Variants in ADAMTS20 observed in about 807,000 individuals in gnomAD.
ADAMTS20 encodes the protein A disintegrin and metalloproteinase with thrombospondin motifs 20.
ADAMTS20 carries 225 observed loss-of-function variants against 260.1 expected under a neutral mutation model. That is an observed-to-expected ratio of 0.87 (90% CI 0.78 to 0.97). The LOEUF is 0.97. Among genes scored for constraint, ADAMTS20 ranks in the 50% least tolerant of loss-of-function variants. ADAMTS20 has a pLI of 0.00. For synonymous variants in ADAMTS20, 802 were observed against 769.5 expected (o/e 1.04, Z -0.70); for missense variants, 2,400 against 2,337.7 (o/e 1.03, Z -0.55).
At chr12:43,510,122 T>C (rs1028584793) in intron 3 of ADAMTS20, among the ~76,000 whole-genome samples, 2 of 152,094 alleles carry the variant, frequency 1.3e-5, no homozygotes, top group African/African-American at 4.8e-5. Context: ...AATTTTGATA[T>C]GGAAGGATGT....
At chr12:43,531,947 T>A in intron 3 of ADAMTS20, 89 bp downstream of exon 3, 1 of 851,048 alleles carries the variant, frequency 1.2e-6, no homozygotes, top group East Asian at 3.5e-5. Flanking sequence ...AAATAAAATA[T>A]TGAAGGGAAA....
intron 7 of ADAMTS20, among the ~76,000 whole-genome samples, chr12:43,483,619 G>C (rs1259531410): frequency 6.6e-6 from 1 of 152,150 alleles, no homozygotes; most frequent in African/African-American, 2.4e-5. Flanking sequence ...GAAATGAGGT[G>C]TTTGTCTGAT....
chr12:43,523,225 T>C (rs2137485824), intron 3 of ADAMTS20, among the ~76,000 whole-genome samples: 1 of 152,248 alleles, frequency 6.6e-6, no homozygotes, highest in Middle Eastern at 3.4e-3. Flanking sequence ...TATCCAGAGC[T>C]GGAACTGATT....
intron 7 of ADAMTS20, among the ~76,000 whole-genome samples, chr12:43,481,630 C>A (rs1191616866): frequency 6.6e-6 from 1 of 152,122 alleles, no homozygotes; most frequent in Non-Finnish European, 1.5e-5. Flanking sequence ...CAGGTGGCTG[C>A]ATTTAAAAAT....
At chr12:43,362,158 T>C (rs1939883463) in intron 37 of ADAMTS20, among the ~76,000 whole-genome samples, 1 of 152,246 alleles carries the variant, frequency 6.6e-6, no homozygotes, top group African/African-American at 2.4e-5. Flanking sequence ...GTAGAATGTA[T>C]AATCTCCATT....
chr12:43,523,661 C>T (rs1490424631), intron 3 of ADAMTS20, among the ~76,000 whole-genome samples: 1 of 152,102 alleles, frequency 6.6e-6, no homozygotes, highest in Non-Finnish European at 1.5e-5. Context: ...CTTACTGCTG[C>T]CTGTTACTCC....
chr12:43,383,222 G>C (rs1940392611), intron 31 of ADAMTS20, among the ~76,000 whole-genome samples: 1 of 152,074 alleles, frequency 6.6e-6, no homozygotes, highest in Non-Finnish European at 1.5e-5. Flanking sequence ...TATATATTTT[G>C]AATATATTTA....
In ADAMTS20 at chr12:43,551,996, C is replaced by A; in HGVS notation, c.-75G>T. The A allele has an allele frequency of 1.6e-6, 2 of 1,257,826 alleles. No individual in the cohort carries two copies. Among genetic ancestry groups the A allele is most frequent in the Non-Finnish European group, 2.3e-6 (2 of 868,566 alleles). The allele number at this position is 1,257,826 out of a possible 1,614,324, so 77.9% of individuals were successfully genotyped here. ...AGCCAAGCCGGCTTCCCTCGCGCTC[C>A]GATCCCTCTCCTCCCTCTCGCCCGC... On this transcript the variant is annotated 5_prime_UTR_variant, in exon 1 of 39. Transcript: ENST00000389420. This position sits in a 1 kb window ranked among gnomAD's most constrained non-coding sequence, Gnocchi z 4.6.
At chr12:43,452,205 A>T in intron 14 of ADAMTS20, 69 bp downstream of exon 14, 1 of 1,452,810 alleles carries the variant, frequency 6.9e-7, no homozygotes, top group Non-Finnish European at 9.3e-7. Context: ...ATATTTGGTT[A>T]TATAAATCGA....
At chr12:43,424,265 T>G (rs946682469) in intron 28 of ADAMTS20, among the ~76,000 whole-genome samples, 3 of 152,236 alleles carry the variant, frequency 2.0e-5, no homozygotes, top group Admixed American at 1.3e-4. Flanking sequence ...AAATGCCTAT[T>G]TCAATATAGT....
At chr12:43,421,293 A>AAAAAAAC (rs1772758356) in intron 28 of ADAMTS20, among the ~76,000 whole-genome samples, 1 of 151,698 alleles carries the variant, frequency 6.6e-6, no homozygotes, top group African/African-American at 2.4e-5. Flanking sequence ...AAAAAAAAAA[A>AAAAAAAC]AAAAACTTTC....
chr12:43,440,528 T>G (rs1446149092), intron 16 of ADAMTS20, among the ~76,000 whole-genome samples: 2 of 152,218 alleles, frequency 1.3e-5, no homozygotes, highest in Non-Finnish European at 2.9e-5. Flanking sequence ...ATAAACTTTA[T>G]TTTACTGTAA....
chr12:43,374,826 G>A (rs918102159), intron 36 of ADAMTS20, among the ~76,000 whole-genome samples: 1 of 152,108 alleles, frequency 6.6e-6, no homozygotes, highest in Non-Finnish European at 1.5e-5. Context: ...AAGGTAGAGG[G>A]TTTTATCTTG....
chr12:43,488,253 T>C (rs1449246640), intron 7 of ADAMTS20, among the ~76,000 whole-genome samples: 2 of 152,140 alleles, frequency 1.3e-5, no homozygotes, highest in African/African-American at 4.8e-5. Context: ...TTTTTGGCTT[T>C]TTTTAAACTT....
intron 37 of ADAMTS20, among the ~76,000 whole-genome samples, chr12:43,360,804 T>C (rs908588371): frequency 1.3e-5 from 2 of 151,622 alleles, no homozygotes; most frequent in African/African-American, 2.4e-5. Flanking sequence ...GGGTAGATCT[T>C]ATGGATATAT....
chr12:43,490,315 A>G, intron 7 of ADAMTS20, 80 bp downstream of exon 7: 1 of 731,722 alleles, frequency 1.4e-6, no homozygotes, highest in Non-Finnish European at 2.1e-6. Context: ...TGTAAAATAA[A>G]TGGAAAATAG....
At position 43,550,787 on chromosome 12, in the gene ADAMTS20, C is replaced by T. The variant is rs1000924852; in HGVS notation, c.453+122G>A. ...TGCCTCTGGCTTGGTGTTAATCCTT[C>T]TTGTAGCCCAACCTGAACTCCAGGG... is the stretch of plus-strand genomic sequence containing the variant. On this transcript the variant is annotated intron_variant, in intron 2 of 38. Transcript: ENST00000389420. The T allele has an allele frequency of 5.0e-6, 7 of 1,386,698 alleles. No individual in the cohort carries two copies. In the African/African-American group the frequency reaches 7.3e-5, roughly 14 times the overall value. 85.9% of individuals were successfully genotyped at this position (1,386,698 alleles called of 1,614,324 possible).
chr12:43,417,662 T>C lies in ADAMTS20; in HGVS notation c.4284+7852A>G, dbSNP rs1021367395. 2.6e-5 allele frequency among the ~76,000 whole-genome samples: 4 copies of C among 152,184 alleles called. No individual in the cohort carries two copies. In the East Asian group the frequency reaches 7.7e-4, roughly 29 times the overall value. The stretch of plus-strand genomic sequence containing the variant: ...TATCAGAGTTTCTAAGTCACAGTCT[T>C]TCAAAAGGATATATTGCTCAGAGGT... On this transcript the variant is annotated intron_variant, in intron 28 of 38. Coordinates refer to ENST00000389420, the MANE Select transcript of ADAMTS20 (RefSeq NM_025003.5).
chr12:43,378,627 T>C (rs7955963), intron 31 of ADAMTS20, among the ~76,000 whole-genome samples: 3 of 152,090 alleles, frequency 2.0e-5, no homozygotes, highest in African/African-American at 7.2e-5. Context: ...TCAAAATACA[T>C]GTATAGGAAT....
Sources: gnomAD v4.1 joint callset for allele counts (sites outside exome capture counted in the v4.1 genomes callset) on GRCh38, gnomAD v4.1.1 for gene constraint, Gnocchi (gnomAD v3.1) non-coding constraint, MANE v1.5 for transcripts, NCBI Gene and HGNC (gene_info 2026-07-23, HGNC 2026-07-21) for gene names.